The following NEDD4L variants were observed in gnomAD, a reference collection of about 807,000 sequenced individuals.
NEDD4L encodes E3 ubiquitin-protein ligase NEDD4-like.
NEDD4L carries 54 observed loss-of-function variants against 148.9 expected under a neutral mutation model. The ratio of observed to expected loss-of-function variants is 0.36; its 90% confidence interval spans 0.29 to 0.45. The LOEUF (loss-of-function observed/expected upper bound fraction) is 0.45, where lower values mean the gene tolerates loss of function less well. Ranked by LOEUF, NEDD4L falls within the 20% of genes least tolerant of loss-of-function variation. The pLI, the probability that NEDD4L is intolerant of heterozygous loss-of-function variation, is 1.00. For synonymous variants in NEDD4L, 433 were observed against 440.7 expected (o/e 0.98, Z 0.22); for missense variants, 856 against 1,233.8 (o/e 0.69, Z 4.59).
chr18:58,268,876 G>A (rs865819579), intron 5 of NEDD4L, among the ~76,000 whole-genome samples: 6 of 151,838 alleles, frequency 4.0e-5, no homozygotes, highest in South Asian at 2.1e-4. Flanking sequence ...GGAGGGGAGC[G>A]TTCTATGGGA....
In NEDD4L at chr18:58,228,824, AAGTCTC is replaced by A. The variant is rs556532206; in HGVS notation, c.123-16599_123-16594del. 3.3e-3 allele frequency among the ~76,000 whole-genome samples: 509 copies of A among 152,270 alleles called. 1 individual carries two copies. Among genetic ancestry groups the A allele is most frequent in the Non-Finnish European group, 5.4e-3 (369 of 68,006 alleles). ...ATCCACATACAACTTGATATTCCTA[AAGTCTC>A]AGTTCTTTATGGGAAAGCCCATGCA... On this transcript the variant is annotated intron_variant, in intron 2 of 30. Transcript: ENST00000400345.
intron 1 of NEDD4L, among the ~76,000 whole-genome samples, chr18:58,142,103 G>C (rs796252208): frequency 1.4e-5 from 2 of 138,386 alleles, no homozygotes; most frequent in African/African-American, 5.5e-5. Context: ...CTGGAGTGCA[G>C]TGGCGTGATC....
At chr18:58,264,165 A>C (rs1448215280) in intron 5 of NEDD4L, among the ~76,000 whole-genome samples, 1 of 152,130 alleles carries the variant, frequency 6.6e-6, no homozygotes, top group African/African-American at 2.4e-5. Context: ...CTAACTTCTT[A>C]CTACGGTAAT....
chr18:58,217,785 C>G (rs1294935528), intron 2 of NEDD4L, among the ~76,000 whole-genome samples: 3 of 152,016 alleles, frequency 2.0e-5, no homozygotes, highest in Non-Finnish European at 4.4e-5. Flanking sequence ...TTATTTCCAT[C>G]TATATTTGGC....
At chr18:58,112,580 C>T (rs1297653216) in intron 1 of NEDD4L, among the ~76,000 whole-genome samples, 1 of 152,054 alleles carries the variant, frequency 6.6e-6, no homozygotes, top group Non-Finnish European at 1.5e-5. Flanking sequence ...CCTCCACCTC[C>T]TGGGTTCAAG....
chr18:58,315,865 C>T, intron 5 of NEDD4L, 117 bp from the exon 6 acceptor site: 1 of 933,486 alleles, frequency 1.1e-6, no homozygotes, highest in Non-Finnish European at 1.8e-6. Flanking sequence ...CTTCCGCCCT[C>T]CACATTCCAG....
At chr18:58,084,184 T>C (rs76864728) in intron 1 of NEDD4L, among the ~76,000 whole-genome samples, 11,197 of 152,270 alleles carry the variant, frequency 0.074, 518 homozygotes, top group Admixed American at 0.15. Flanking sequence ...TGTGTGATTA[T>C]ATGGAATGTT....
At chr18:58,241,383 C>G (rs556827118) in intron 2 of NEDD4L, among the ~76,000 whole-genome samples, 1 of 152,188 alleles carries the variant, frequency 6.6e-6, no homozygotes, top group African/African-American at 2.4e-5. Flanking sequence ...CTGACTGCAG[C>G]CATGCCAGAC....
intron 5 of NEDD4L, among the ~76,000 whole-genome samples, chr18:58,305,028 AG>A (rs915252520): frequency 1.5e-4 from 23 of 152,334 alleles, no homozygotes; most frequent in African/African-American, 5.5e-4. Context: ...CCAGAGGGCT[AG>A]GGTTCCAAAC....
chr18:58,315,867 A>G lies in NEDD4L; in HGVS notation c.298-115A>G, dbSNP rs1252917416. On this transcript the variant is annotated intron_variant, in intron 5 of 30. Coordinates refer to ENST00000400345, the MANE Select transcript of NEDD4L (RefSeq NM_001144967.3). ...GTCTCCTCGGGGCCTTCCGCCCTCC[A>G]CATTCCAGTGCCAGGCCCTGGACCT... 12 of 945,914 alleles carry G rather than the reference A, an allele frequency of 1.3e-5. No individual in the cohort carries two copies. The East Asian group carries it at 2.6e-4, about 21-fold the overall frequency. The allele number at this position is 945,914 out of a possible 1,614,324, so 58.6% of individuals were successfully genotyped here. A position where few individuals can be genotyped will look rare whatever the true frequency, so the allele number is the denominator to read the frequency against.
At chr18:58,370,013 GC>G (rs1256970923) in intron 22 of NEDD4L, among the ~76,000 whole-genome samples, 1 of 152,174 alleles carries the variant, frequency 6.6e-6, no homozygotes, top group Non-Finnish European at 1.5e-5. Flanking sequence ...TGCACTGCCG[GC>G]CCCTTCTCTG....
At chr18:58,111,770 T>C (rs1466919604) in intron 1 of NEDD4L, among the ~76,000 whole-genome samples, 7 of 152,224 alleles carry the variant, frequency 4.6e-5, no homozygotes. Context: ...TGCTTTTTGC[T>C]TCTATGAACC....
chr18:58,401,172 A>G lies in NEDD4L; in HGVS notation c.*4903A>G, dbSNP rs368638329. On this transcript the variant is annotated 3_prime_UTR_variant, in exon 31 of 31. Transcript: ENST00000400345. ...GACTTTTAAGGTGAAAAGAGTTTCA[A>G]GCATTCCAAATAAATTATCAATGTT... 1.1e-4 allele frequency: 16 copies of G among 152,334 alleles called. No individual in the cohort carries two copies. The highest frequency in any genetic ancestry group is 3.6e-4 in the African/African-American group (15 of 41,574). 9.4% of individuals were successfully genotyped at this position (152,334 alleles called of 1,614,324 possible).
In NEDD4L at chr18:58,357,368, C is replaced by T. The variant is rs902881774; in HGVS notation, c.1767+116C>T. 3 of 955,522 alleles carry T rather than the reference C, an allele frequency of 3.1e-6. No individual in the cohort carries two copies. The African/African-American group carries it at 4.8e-5, about 15-fold the overall frequency. The allele number at this position is 955,522 out of a possible 1,614,324, so 59.2% of individuals were successfully genotyped here. A position where few individuals can be genotyped will look rare whatever the true frequency, so the allele number is the denominator to read the frequency against. On this transcript the variant is annotated intron_variant, in intron 19 of 30. Coordinates refer to ENST00000400345, the MANE Select transcript of NEDD4L (RefSeq NM_001144967.3). Reference sequence around the variant, plus strand: ...GGGACAACGGTGATTGAGTAGTTGACTAGAAACAGAGCACTTTGCTGCCAT... The same window carrying T: ...GGGACAACGGTGATTGAGTAGTTGATTAGAAACAGAGCACTTTGCTGCCAT...
chr18:58,349,437 C>A, intron 16 of NEDD4L, 100 bp from the exon 17 acceptor site: 1 of 896,032 alleles, frequency 1.1e-6, no homozygotes. Context: ...CATGGACAGC[C>A]TGGTTGCCTT....
chr18:58,365,711 A>G (rs2046031908), intron 20 of NEDD4L, among the ~76,000 whole-genome samples: 1 of 152,216 alleles, frequency 6.6e-6, no homozygotes, highest in Admixed American at 6.5e-5. Context: ...ATGCTGGAGA[A>G]GTGCCCACAG....
At chr18:58,305,706 A>G (rs755731442) in intron 5 of NEDD4L, among the ~76,000 whole-genome samples, 1 of 152,208 alleles carries the variant, frequency 6.6e-6, no homozygotes, top group Non-Finnish European at 1.5e-5. Context: ...TTTATATGGT[A>G]TACGTTCAAA....
At chr18:58,213,775 G>A (rs60827183) in intron 2 of NEDD4L, among the ~76,000 whole-genome samples, 2,164 of 152,002 alleles carry the variant, frequency 0.014, 45 homozygotes, top group African/African-American at 0.05. Flanking sequence ...TTTAATTCTA[G>A]TCTGTTCTTG....
rs78106495 is a variant in NEDD4L at position 58,214,422 on chromosome 18, C to T, written c.123-31005C>T. ...AGATAGAAATGTACACTCAGAGGGCCACTTGGATGGAAACTTCTGTTGATC... is the reference window on the plus strand; with the variant it reads ...AGATAGAAATGTACACTCAGAGGGCTACTTGGATGGAAACTTCTGTTGATC... On this transcript the variant is annotated intron_variant, in intron 2 of 30. Transcript: ENST00000400345. Among the ~76,000 whole-genome samples, 1,243 of 152,222 alleles carry T rather than the reference C, an allele frequency of 8.2e-3. 9 individuals carry two copies. Among genetic ancestry groups the T allele is most frequent in the South Asian group, 0.031 (148 of 4,816 alleles).
Sources: allele counts gnomAD v4.1 joint callset (sites outside exome capture counted in the v4.1 genomes callset), GRCh38; gene constraint gnomAD v4.1.1; transcripts MANE v1.5; gene names NCBI Gene and HGNC (gene_info 2026-07-23, HGNC 2026-07-21).